LINC00632: variants seen among roughly 807,000 people sequenced by gnomAD.
LINC00632 encodes ALDOA related specific transcript.
At chrX:140,767,926 C>T (rs1038945605) in intron 3 of LINC00632, among the ~76,000 whole-genome samples, 52 of 111,619 alleles carry the variant, frequency 4.7e-4, no homozygotes, top group African/African-American at 1.6e-3. Flanking sequence ...CTATTCATGA[C>T]GGTGGAGCCT....
chrX:140,762,321 A>G (rs954176081), intron 3 of LINC00632, among the ~76,000 whole-genome samples: 1 of 110,670 alleles, frequency 9.0e-6, no homozygotes, highest in African/African-American at 3.3e-5. Flanking sequence ...TAGAAACCAC[A>G]GCAGGATTTT....
chrX:140,747,194 AT>A (rs1010370735), intron 3 of LINC00632, among the ~76,000 whole-genome samples: 8 of 111,719 alleles, frequency 7.2e-5, no homozygotes, highest in Non-Finnish European at 1.5e-4. Context: ...TGGAATTTGC[AT>A]TTTTTTCAAA....
chrX:140,732,865 G>A (rs111242851), intron 2 of LINC00632, among the ~76,000 whole-genome samples: 3 of 109,815 alleles, frequency 2.7e-5, no homozygotes, highest in African/African-American at 6.6e-5. Flanking sequence ...CCAGGTTCAA[G>A]CAGTTCTCTG....
At chrX:140,729,371 C>A (rs1347244595) in intron 2 of LINC00632, among the ~76,000 whole-genome samples, 1 of 110,219 alleles carries the variant, frequency 9.1e-6, no homozygotes, top group East Asian at 2.9e-4. Flanking sequence ...GGGACTACCA[C>A]CCTCAGAAAA....
chrX:140,754,839 CTGTT>C (rs1210251268), intron 3 of LINC00632, among the ~76,000 whole-genome samples: 2 of 84,744 alleles, frequency 2.4e-5, no homozygotes, highest in Non-Finnish European at 5.2e-5. Flanking sequence ...ATAGCATAGG[CTGTT>C]TTTTTTTTAG....
chrX:140,729,963 G>A (rs1373874839), intron 2 of LINC00632, among the ~76,000 whole-genome samples: 6 of 98,794 alleles, frequency 6.1e-5, no homozygotes, highest in Admixed American at 3.6e-4. Context: ...TGCAACCTCC[G>A]CCTCCCGGGT....
intron 2 of LINC00632, among the ~76,000 whole-genome samples, chrX:140,724,334 T>A (rs1368089839): frequency 6.2e-4 from 14 of 22,562 alleles, no homozygotes; most frequent in African/African-American, 1.6e-3. Flanking sequence ...ACACACACAC[T>A]TTCCATACAC....
exon 5 of LINC00632, among the ~76,000 whole-genome samples, chrX:140,789,246 A>G (rs993154447): frequency 9.1e-6 from 1 of 110,297 alleles, no homozygotes; most frequent in Non-Finnish European, 1.9e-5. Flanking sequence ...TTAACATCCT[A>G]TACATATATT....
chrX:140,788,901 GTA>G lies in LINC00632; in HGVS notation n.16932_16933del, dbSNP rs1392505269. On this transcript the variant is annotated non_coding_transcript_exon_variant, in exon 5 of 5. Transcript: ENST00000648200. The stretch of plus-strand genomic sequence containing the variant: ...TATACACATATATACACATATATGT[GTA>G]TATATATATATGTGTGTGTGTGTGT... 5.2e-3 allele frequency among the ~76,000 whole-genome samples: 58 copies of G among 11,223 alleles called. 1 individual carries two copies. Among genetic ancestry groups the G allele is most frequent in the African/African-American group, 0.014 (52 of 3,665 alleles). 9.7% of individuals were successfully genotyped at this position (11,223 alleles called of 115,157 possible).
At chrX:140,768,636 ATAT>A (rs1931733725) in intron 3 of LINC00632, among the ~76,000 whole-genome samples, 1 of 61,528 alleles carries the variant, frequency 1.6e-5, no homozygotes, top group Non-Finnish European at 3.7e-5. Context: ...TATATATACT[ATAT>A]AATATATTTA....
chrX:140,727,881 GAGA>G (rs1350776429), intron 2 of LINC00632, among the ~76,000 whole-genome samples: 1 of 111,586 alleles, frequency 9.0e-6, no homozygotes, highest in Non-Finnish European at 1.9e-5. Context: ...ATTCCACTAT[GAGA>G]AGAAGAGATC....
At chrX:140,729,880 T>TC (rs750808147) in intron 2 of LINC00632, among the ~76,000 whole-genome samples, 1,261 of 101,003 alleles carry the variant, frequency 0.012, 21 homozygotes, top group African/African-American at 0.043. Context: ...CTTTTTTCTT[T>TC]TTTTTTTTTT....
intron 3 of LINC00632, among the ~76,000 whole-genome samples, chrX:140,734,520 C>A (rs1333330195): frequency 9.0e-6 from 1 of 110,549 alleles, no homozygotes; most frequent in African/African-American, 3.3e-5. Flanking sequence ...CAACTTCCCT[C>A]ACATAATGTA....
chrX:140,784,854 G>T (rs1931993650), exon 5 of LINC00632: 1 of 136,376 alleles, frequency 7.3e-6, no homozygotes, highest in Non-Finnish European at 1.7e-5. Flanking sequence ...TTATAGACCA[G>T]ATCTTATGAA....
At chrX:140,742,907 A>AAAGGAAAGG (rs774170918) in intron 3 of LINC00632, among the ~76,000 whole-genome samples, 60 of 103,698 alleles carry the variant, frequency 5.8e-4, no homozygotes, top group African/African-American at 2.0e-3. Context: ...AAAGGAAAGG[A>AAAGGAAAGG]AAAGGGAAAG....
intron 2 of LINC00632, chrX:140,713,569 C>T: frequency 5.8e-6 from 2 of 342,857 alleles, no homozygotes; most frequent in Non-Finnish European, 1.2e-5. Context: ...TATACAAACT[C>T]ACCCTTTAAT....
intron 2 of LINC00632, among the ~76,000 whole-genome samples, chrX:140,724,681 TACAC>T (rs1173833599): frequency 7.0e-5 from 4 of 56,854 alleles, no homozygotes; most frequent in African/African-American, 2.1e-4. Context: ...ACACATTCCA[TACAC>T]ACACAGACAC....
chrX:140,772,564 A>G, exon 4 of LINC00632: 1 of 277,278 alleles, frequency 3.6e-6, no homozygotes. Flanking sequence ...TTATGTTAAT[A>G]GCGAACACAA....
intron 3 of LINC00632, among the ~76,000 whole-genome samples, chrX:140,764,887 T>C (rs1931661522): frequency 1.8e-5 from 2 of 110,765 alleles, no homozygotes; most frequent in Non-Finnish European, 3.8e-5. Context: ...GGGCTATCTT[T>C]TACCCCTTCG....
Sources: gnomAD v4.1 joint callset for allele counts (sites outside exome capture counted in the v4.1 genomes callset) on GRCh38, gnomAD v4.1.1 for gene constraint, MANE v1.5 for transcripts, NCBI Gene and HGNC (gene_info 2026-07-23, HGNC 2026-07-21) for gene names.